Variants in RAPH1 observed in about 807,000 individuals in gnomAD.
RAPH1 encodes Ras association (RalGDS/AF-6) and pleckstrin homology domains 1, also known as ras-associated and pleckstrin homology domains-containing protein 1.
Under a neutral mutation model 88.1 loss-of-function variants are expected in RAPH1, and 18 were observed. The observed-to-expected ratio is 0.20, with a 90% confidence interval of 0.14 to 0.30. The LOEUF (loss-of-function observed/expected upper bound fraction) is 0.30. Among genes scored for constraint, RAPH1 ranks in the 10% least tolerant of loss-of-function variants. The pLI is 1.00. For missense variants in RAPH1, 1,448 were observed against 1,543.2 expected (o/e 0.94, Z 1.03); for synonymous variants, 587 against 559.0 (o/e 1.05, Z -0.71).
intron 1 of RAPH1, among the ~76,000 whole-genome samples, chr2:203,504,478 T>C (rs562430312): frequency 1.3e-5 from 2 of 152,272 alleles, no homozygotes; most frequent in South Asian, 2.1e-4. Flanking sequence ...GTCCCTAGGC[T>C]GCACACAGCA....
intron 1 of RAPH1, among the ~76,000 whole-genome samples, chr2:203,527,870 A>G (rs1223128645): frequency 6.6e-6 from 1 of 151,538 alleles, no homozygotes; most frequent in Admixed American, 6.6e-5. Flanking sequence ...AGCTGCTTTG[A>G]CCTCAATGAA....
chr2:203,439,530 G>A lies in RAPH1; in HGVS notation c.3660C>T (p.Gly1220=). ...ACGTTGCATAGCCTGATATATGACT[G>A]CCTCCGTAACCAGCCTTCTGTTGAT... ...LSDQQKAGYG[G]SHISGYATLR... Residue 1220 remains glycine (G), a synonymous_variant, in exon 14 of 14, where the codon GGC becomes GGT. Coordinates refer to ENST00000319170, the MANE Select transcript of RAPH1 (RefSeq NM_213589.3). 1 of 1,614,132 alleles carries A rather than the reference G, an allele frequency of 6.2e-7. No homozygotes were observed. Among genetic ancestry groups the A allele is most frequent in the Non-Finnish European group, 8.5e-7 (1 of 1,180,020 alleles).
chr2:203,529,171 G>T (rs926721550), intron 1 of RAPH1, among the ~76,000 whole-genome samples: 3 of 151,088 alleles, frequency 2.0e-5, no homozygotes, highest in Admixed American at 2.0e-4. Flanking sequence ...GTAGAGACAG[G>T]GTTTTGCCAT....
chr2:203,490,176 A>G (rs1688196519), intron 3 of RAPH1, 87 bp from the exon 4 acceptor site: 4 of 1,316,844 alleles, frequency 3.0e-6, no homozygotes, highest in East Asian at 2.3e-5. Context: ...GCAAAAGAAT[A>G]TATTTTGTTG....
In RAPH1 at chr2:203,459,861, G is replaced by C. The variant is rs2098522950; in HGVS notation, c.1092+46C>G. On this transcript the variant is annotated intron_variant, in intron 7 of 13. Coordinates refer to ENST00000319170, the MANE Select transcript of RAPH1 (RefSeq NM_213589.3). ...ACTTAGCAGTAATCGAATAAAATAG[G>C]AGACATATTTACAAATCCTGACCTC... 1.9e-6 allele frequency: 3 copies of C among 1,583,214 alleles called. No individual in the cohort carries two copies. In the East Asian group the frequency reaches 6.8e-5, roughly 36 times the overall value.
At chr2:203,491,375 A>AC in intron 2 of RAPH1, 56 bp from the exon 3 acceptor site, 3 of 1,230,802 alleles carry the variant, frequency 2.4e-6, no homozygotes, top group Non-Finnish European at 3.4e-6. Context: ...ATAATATAAA[A>AC]AAAGATGAAG....
Position 203,440,594 on chromosome 2 carries a change from C to T in RAPH1, c.2596G>A (p.Ala866Thr), listed in dbSNP as rs748189125. Residue 866 changes from alanine (A) to threonine (T), a missense_variant, in exon 14 of 14, where the codon GCC (alanine) becomes ACC (threonine). Physicochemically the swap from Ala to Thr is moderately conservative, Grantham distance 58. Around this residue, in one of 2 missense-constraint regions of RAPH1, gnomAD observed 935 missense variants for 890.1 expected, o/e 1.05. Coordinates refer to ENST00000319170, the MANE Select transcript of RAPH1 (RefSeq NM_213589.3). ...GTTGGAGGGGGTGGAAACTGGCTGG[C>T]TATCTGCTTCACGACCGAGGGCACC... ...SPVPSVVKQI[A>T]SQFPPPPTPP... 1 of 1,553,788 alleles carries T rather than the reference C, an allele frequency of 6.4e-7. No individual in the cohort carries two copies. Among genetic ancestry groups the T allele is most frequent in the Non-Finnish European group, 8.7e-7 (1 of 1,149,912 alleles).
At chr2:203,467,902 G>A (rs569573194) in intron 4 of RAPH1, among the ~76,000 whole-genome samples, 1 of 151,896 alleles carries the variant, frequency 6.6e-6, no homozygotes, top group Non-Finnish European at 1.5e-5. Context: ...TGAGTAGCTG[G>A]GACTACAGGC....
intron 1 of RAPH1, among the ~76,000 whole-genome samples, chr2:203,534,530 T>C (rs1279035089): frequency 2.0e-5 from 1 of 50,114 alleles, no homozygotes; most frequent in East Asian, 6.7e-4. Flanking sequence ...CCCCCATGAA[T>C]TGCAGTTTGG....
intron 10 of RAPH1, among the ~76,000 whole-genome samples, chr2:203,452,184 A>G (rs1439653620): frequency 6.6e-6 from 1 of 152,210 alleles, no homozygotes; most frequent in East Asian, 1.9e-4. Context: ...GAGTCCCCCA[A>G]TAACTTTCTT....
At chr2:203,450,344 A>G (rs1191806198) in intron 10 of RAPH1, among the ~76,000 whole-genome samples, 1 of 152,226 alleles carries the variant, frequency 6.6e-6, no homozygotes, top group Non-Finnish European at 1.5e-5. Flanking sequence ...AGTCAGTTTT[A>G]AACAATAAAC....
chr2:203,477,774 CT>C (rs1185298596), intron 4 of RAPH1, among the ~76,000 whole-genome samples: 1 of 152,110 alleles, frequency 6.6e-6, no homozygotes, highest in East Asian at 1.9e-4. Flanking sequence ...GAGAAAGTAT[CT>C]TTAGTCTCTG....
chr2:203,462,680 G>C (rs1277397238), intron 4 of RAPH1, among the ~76,000 whole-genome samples: 1 of 152,062 alleles, frequency 6.6e-6, no homozygotes, highest in Non-Finnish European at 1.5e-5. Context: ...AGATTAAAAA[G>C]AGTAATAAAA....
intron 13 of RAPH1, chr2:203,441,874 G>A (rs2098504555): frequency 1.5e-6 from 2 of 1,351,894 alleles, no homozygotes; most frequent in Non-Finnish European, 1.9e-6. Flanking sequence ...ACTGGGTTTA[G>A]GAGGGCTTCC....
At chr2:203,468,242 A>G (rs2098530175) in intron 4 of RAPH1, among the ~76,000 whole-genome samples, 1 of 152,206 alleles carries the variant, frequency 6.6e-6, no homozygotes, top group Non-Finnish European at 1.5e-5. Context: ...CTACAGTTAG[A>G]GAAAAATAAA....
intron 4 of RAPH1, among the ~76,000 whole-genome samples, chr2:203,468,481 C>A (rs2098530404): frequency 1.3e-5 from 2 of 152,186 alleles, no homozygotes; most frequent in African/African-American, 4.8e-5. Context: ...CCTCCTAGAA[C>A]CCGCTGATCT....
chr2:203,434,093 CAG>C lies in RAPH1; in HGVS notation c.*5342_*5343del, dbSNP rs1238400658. On this transcript the variant is annotated 3_prime_UTR_variant, in exon 14 of 14. Transcript: ENST00000319170. ...ATATATATATATAGCTTTGCACAAT[CAG>C]GGAGCAAGGCACATAATGAAATGAG... 6.7e-6 allele frequency: 1 copy of C among 149,654 alleles called. No homozygotes were observed. The highest frequency in any genetic ancestry group is 2.5e-5 in the African/African-American group (1 of 39,962). 9.3% of individuals were successfully genotyped at this position (149,654 alleles called of 1,614,324 possible).
intron 4 of RAPH1, chr2:203,470,311 G>A (rs1401341354): frequency 1.2e-6 from 2 of 1,603,414 alleles, no homozygotes; most frequent in Non-Finnish European, 1.7e-6. Context: ...CCAGATAGGA[G>A]TGCTTGTTCA....
In RAPH1 at chr2:203,528,613, C is replaced by A. The variant is rs549404766; in HGVS notation, c.-1+6498G>T. On this transcript the variant is annotated intron_variant, in intron 1 of 13. Transcript: ENST00000319170. ...AAACCAGTAACATAATAAACAGATT[C>A]AAGAGCCAGATTTGGAAATTTCTGT... Among the ~76,000 whole-genome samples the A allele has an allele frequency of 1.1e-4, 16 of 152,276 alleles. No individual in the cohort carries two copies. In the South Asian group the frequency reaches 3.3e-3, roughly 32 times the overall value.
Sources: gnomAD v4.1 joint callset for allele counts (sites outside exome capture counted in the v4.1 genomes callset) on GRCh38, gnomAD v4.1.1 for gene constraint, gnomAD v4.1.1 regional missense constraint, MANE v1.5 for transcripts, NCBI Gene and HGNC (gene_info 2026-07-23, HGNC 2026-07-21) for gene names.